The following FBXO42 variants were observed in gnomAD, a reference collection of about 807,000 sequenced individuals.
FBXO42 encodes F-box only protein 42.
Under a neutral mutation model 71.7 loss-of-function variants are expected in FBXO42, and 12 were observed. The observed-to-expected ratio is 0.17, with a 90% CI of 0.11 to 0.27. The LOEUF is 0.27. FBXO42 is among the 10% of genes least tolerant of loss of function. The pLI is 1.00. For missense variants in FBXO42, 707 were observed against 911.9 expected (o/e 0.78, Z 2.89); for synonymous variants, 325 against 327.5 (o/e 0.99, Z 0.08).
At chr1:16,262,967 T>A (rs1031055063) in intron 4 of FBXO42, among the ~76,000 whole-genome samples, 5 of 151,780 alleles carry the variant, frequency 3.3e-5, no homozygotes, top group African/African-American at 1.2e-4. Context: ...CGCCTCGGCC[T>A]CCCAAAGTGC....
At chr1:16,321,181 A>G in intron 1 of FBXO42, among the ~76,000 whole-genome samples, 1 of 152,206 alleles carries the variant, frequency 6.6e-6, no homozygotes, top group Non-Finnish European at 1.5e-5. Context: ...CACCCTCCAC[A>G]AAAACATCAA....
Position 16,315,227 on chromosome 1 carries a change from C to T in FBXO42, c.192G>A (p.Pro64=), listed in dbSNP as rs909076125. The T allele has an allele frequency of 4.3e-6, 7 of 1,613,996 alleles. No individual in the cohort carries two copies. The highest frequency in any genetic ancestry group is 2.2e-5 in the East Asian group (1 of 44,898). The change falls in exon 2 of 10, where the codon CCG becomes CCA. Residue 64 remains proline (P), a synonymous_variant. Transcript: ENST00000375592. The stretch of plus-strand genomic sequence containing the variant: ...GGGCCGCAGTTTTGTGTTCCTGATA[C>T]GGTGAGAGAAAGGACAGGATATACT... The part of the protein sequence containing the change: ...VLEYILSFLS[P]YQEHKTAALV...
chr1:16,323,166 C>G (rs189533993), intron 1 of FBXO42, among the ~76,000 whole-genome samples: 2 of 152,266 alleles, frequency 1.3e-5, no homozygotes, highest in East Asian at 3.9e-4. Flanking sequence ...CGCCTGTAAT[C>G]CCAGCACTTT....
chr1:16,279,768 T>G (rs903013188), intron 4 of FBXO42, among the ~76,000 whole-genome samples: 1 of 151,484 alleles, frequency 6.6e-6, no homozygotes, highest in African/African-American at 2.4e-5. Flanking sequence ...AACTCTACAG[T>G]GGAAAATCAA....
rs368540783 is a variant in FBXO42, at chr1:16,292,067, A to G, written c.502+2716T>C. On this transcript the variant is annotated intron_variant, in intron 4 of 9. Transcript: ENST00000375592. Reference sequence around the variant, plus strand: ...AACTAGCCTCTAATTGCAGATTAGGATGAGGGAGTAACTAGATTCTTTGAG... The same window carrying G: ...AACTAGCCTCTAATTGCAGATTAGGGTGAGGGAGTAACTAGATTCTTTGAG... Among the ~76,000 whole-genome samples, 4 of 152,332 alleles carry G rather than the reference A, an allele frequency of 2.6e-5. No individual in the cohort carries two copies. The East Asian group carries it at 5.8e-4, about 22-fold the overall frequency.
intron 4 of FBXO42, among the ~76,000 whole-genome samples, chr1:16,273,527 C>A (rs534494172): frequency 6.6e-6 from 1 of 151,360 alleles, no homozygotes; most frequent in East Asian, 1.9e-4. Context: ...ATGTTGATGG[C>A]AGCTATATTC....
chr1:16,269,191 G>A (rs1257959921), intron 4 of FBXO42, among the ~76,000 whole-genome samples: 2 of 149,374 alleles, frequency 1.3e-5, no homozygotes, highest in Non-Finnish European at 3.0e-5. Flanking sequence ...GGGTTCAAGC[G>A]ATTCTCCTGC....
At chr1:16,319,061 C>A (rs2082392720) in intron 1 of FBXO42, among the ~76,000 whole-genome samples, 1 of 152,170 alleles carries the variant, frequency 6.6e-6, no homozygotes, top group Admixed American at 6.5e-5. Flanking sequence ...TACTATGCCA[C>A]CCCACTTTAC....
chr1:16,337,203 T>A (rs2082559842), intron 1 of FBXO42, among the ~76,000 whole-genome samples: 1 of 152,164 alleles, frequency 6.6e-6, no homozygotes, highest in Non-Finnish European at 1.5e-5. Flanking sequence ...GTTTATAGAT[T>A]CAGATTCAGT....
chr1:16,262,474 A>G (rs1314265222), intron 4 of FBXO42, among the ~76,000 whole-genome samples: 1 of 152,164 alleles, frequency 6.6e-6, no homozygotes, highest in Non-Finnish European at 1.5e-5. Flanking sequence ...TGGGAGGTCA[A>G]GGCGGGTGGA....
chr1:16,325,168 G>T (rs2082439973), intron 1 of FBXO42, among the ~76,000 whole-genome samples: 1 of 151,804 alleles, frequency 6.6e-6, no homozygotes, highest in South Asian at 2.1e-4. Flanking sequence ...AGCCCGAGAG[G>T]TGGAGGCTGC....
intron 4 of FBXO42, 78 bp from the exon 5 acceptor site, chr1:16,256,837 T>C (rs573555634): frequency 1.3e-6 from 2 of 1,490,546 alleles, no homozygotes; most frequent in South Asian, 2.5e-5. Flanking sequence ...ATAGATCACC[T>C]TTCCCTGGAA....
chr1:16,331,281 C>T lies in FBXO42; in HGVS notation c.-17-15846G>A, dbSNP rs576815642. On this transcript the variant is annotated intron_variant, in intron 1 of 9. Coordinates refer to ENST00000375592, the MANE Select transcript of FBXO42 (RefSeq NM_018994.3). The stretch of plus-strand genomic sequence containing the variant: ...ACAAAAAATTAGCCGGGCATGGTGG[C>T]GGGCGCCTGTAGTCCCAGCTACTCA... Among the ~76,000 whole-genome samples the T allele has an allele frequency of 1.8e-3, 278 of 150,800 alleles. 2 individuals carry two copies. The highest frequency in any genetic ancestry group is 6.4e-3 in the African/African-American group (265 of 41,092).
At chr1:16,319,596 G>A (rs1173692731) in intron 1 of FBXO42, among the ~76,000 whole-genome samples, 7 of 152,058 alleles carry the variant, frequency 4.6e-5, no homozygotes, top group African/African-American at 1.7e-4. Context: ...TATTATAATG[G>A]GTTTCCTGAA....
rs1021736982 is a variant in FBXO42, at chr1:16,305,910, T to C, written c.260A>G (p.His87Arg). 2 of 1,613,108 alleles carry C rather than the reference T, an allele frequency of 1.2e-6. No individual in the cohort carries two copies. Among genetic ancestry groups the C allele is most frequent in the South Asian group, 1.1e-5 (1 of 91,056 alleles). Residue 87 changes from histidine to arginine, a missense_variant, in exon 3 of 10, where the codon CAT (histidine) becomes CGT (arginine). His to Arg is a conservative substitution (Grantham distance 29). Around this residue, in one of 5 missense-constraint regions of FBXO42, gnomAD observed 188 missense variants for 230.5 expected, o/e 0.82. Coordinates refer to ENST00000375592, the MANE Select transcript of FBXO42 (RefSeq NM_018994.3). ...QWYRLIKGVA[H>R]QCYHGFMKAV... is the part of the protein sequence containing the mutation. ...CTTCATGAAACCATGATAACACTGATGGGCTACACCTAAGACAGAAAGAGC... is the reference window on the plus strand; with the variant it reads ...CTTCATGAAACCATGATAACACTGACGGGCTACACCTAAGACAGAAAGAGC...
chr1:16,283,923 A>T (rs535408037), intron 4 of FBXO42, among the ~76,000 whole-genome samples: 39 of 152,306 alleles, frequency 2.6e-4, no homozygotes, highest in African/African-American at 9.4e-4. Flanking sequence ...GAAAACTTCT[A>T]TCTTGATTTA....
At chr1:16,334,156 G>A (rs138602955) in intron 1 of FBXO42, among the ~76,000 whole-genome samples, 3 of 152,128 alleles carry the variant, frequency 2.0e-5, no homozygotes, top group African/African-American at 4.8e-5. Flanking sequence ...ATTCTAGGCC[G>A]GGCCCGGTGG....
At chr1:16,328,654 C>T (rs1303579299) in intron 1 of FBXO42, among the ~76,000 whole-genome samples, 1 of 152,128 alleles carries the variant, frequency 6.6e-6, no homozygotes. Flanking sequence ...TTAGTATACA[C>T]TCATCTACCA....
intron 4 of FBXO42, among the ~76,000 whole-genome samples, chr1:16,285,613 T>C (rs957678130): frequency 6.6e-6 from 1 of 152,172 alleles, no homozygotes; most frequent in Non-Finnish European, 1.5e-5. Flanking sequence ...CTGGCTTCCA[T>C]CTTTATCACT....
Sources: allele counts gnomAD v4.1 joint callset (sites outside exome capture counted in the v4.1 genomes callset), GRCh38; gene constraint gnomAD v4.1.1; regional missense constraint gnomAD v4.1.1; transcripts MANE v1.5; gene names NCBI Gene and HGNC (gene_info 2026-07-23, HGNC 2026-07-21).